The following RIMS2 variants were observed in gnomAD, a reference collection of about 807,000 sequenced individuals.
RIMS2 encodes regulating synaptic membrane exocytosis 2.
A neutral mutation model predicts 174.4 loss-of-function variants in RIMS2; 59 were observed. The ratio of observed to expected loss-of-function variants is 0.34; its 90% CI spans 0.27 to 0.42. RIMS2 has a LOEUF of 0.42. Ranked by LOEUF, RIMS2 falls within the 10% of genes least tolerant of loss-of-function variation. The probability of loss-of-function intolerance (pLI) is 1.00; values close to 1 mark genes in which losing one functional copy is unlikely to be tolerated. For synonymous variants in RIMS2, 606 were observed against 572.5 expected, an observed-to-expected ratio of 1.06 and a Z score of -0.84; for missense variants, 1,620 against 1,666.3, an observed-to-expected ratio of 0.97 and a Z score of 0.48.
chr8:103,869,504 G>A (rs2099100256), intron 3 of RIMS2, among the ~76,000 whole-genome samples: 1 of 151,698 alleles, frequency 6.6e-6, no homozygotes, highest in South Asian at 2.1e-4. Flanking sequence ...GCTAATTTTT[G>A]TAGAAACGGA....
chr8:103,663,935 T>G (rs2096635352), intron 1 of RIMS2, among the ~76,000 whole-genome samples: 1 of 152,202 alleles, frequency 6.6e-6, no homozygotes, highest in South Asian at 2.1e-4. Flanking sequence ...CCAAAACAGT[T>G]ATGTAGACCA....
At chr8:103,534,292 A>G (rs780313096) in intron 1 of RIMS2, among the ~76,000 whole-genome samples, 4 of 152,196 alleles carry the variant, frequency 2.6e-5, no homozygotes, top group Non-Finnish European at 5.9e-5. Context: ...TCATTCCCAC[A>G]CAGATTTTCA....
At chr8:103,809,543 G>T (rs28522982) in intron 3 of RIMS2, among the ~76,000 whole-genome samples, 17,136 of 151,642 alleles carry the variant, frequency 0.11, 1,286 homozygotes, top group African/African-American at 0.21. Context: ...ACTTAGAAAA[G>T]TACCTATGAT....
chr8:104,077,513 A>G (rs2097319832), intron 19 of RIMS2, among the ~76,000 whole-genome samples: 1 of 151,506 alleles, frequency 6.6e-6, no homozygotes, highest in South Asian at 2.1e-4. Context: ...CAAAATTCTT[A>G]TTGTATAGTT....
At chr8:104,091,897 A>T (rs1174314854) in intron 19 of RIMS2, among the ~76,000 whole-genome samples, 1 of 151,734 alleles carries the variant, frequency 6.6e-6, no homozygotes, top group East Asian at 1.9e-4. Flanking sequence ...GGGAAAAGGC[A>T]GCAATTTTTA....
intron 19 of RIMS2, among the ~76,000 whole-genome samples, chr8:104,235,038 T>A (rs2099251363): frequency 6.6e-6 from 1 of 152,178 alleles, no homozygotes; most frequent in African/African-American, 2.4e-5. Context: ...TTTGTTTCCA[T>A]TTTTATCATA....
chr8:104,186,436 T>G (rs1208190937), intron 19 of RIMS2, among the ~76,000 whole-genome samples: 1 of 151,818 alleles, frequency 6.6e-6, no homozygotes, highest in Non-Finnish European at 1.5e-5. Context: ...ATTTATTGTT[T>G]TATTCCTAAC....
intron 19 of RIMS2, among the ~76,000 whole-genome samples, chr8:104,235,599 A>G (rs892503039): frequency 1.3e-5 from 2 of 152,052 alleles, no homozygotes; most frequent in East Asian, 3.9e-4. Context: ...AACATCCACT[A>G]CATAGACTGA....
At chr8:103,641,152 A>T (rs2135525041) in intron 1 of RIMS2, among the ~76,000 whole-genome samples, 1 of 152,250 alleles carries the variant, frequency 6.6e-6, no homozygotes, top group African/African-American at 2.4e-5. Context: ...TTTGTTTGAA[A>T]TTAATGTGGA....
intron 1 of RIMS2, among the ~76,000 whole-genome samples, chr8:103,669,020 T>C (rs1290604404): frequency 6.6e-6 from 1 of 152,142 alleles, no homozygotes; most frequent in Non-Finnish European, 1.5e-5. Flanking sequence ...TGTTAGTCTG[T>C]TTTCACGCTG....
Position 103,649,589 on chromosome 8 carries a change from G to C in RIMS2, c.177-47497G>C, listed in dbSNP as rs1175876619. The stretch of plus-strand genomic sequence containing the variant: ...CTTTCAGGTACCCTAATGAGTCTTA[G>C]GTTCTGTCTTTTTAAATAATTTCAT... On this transcript the variant is annotated intron_variant, in intron 1 of 23. Coordinates refer to ENST00000504942, the Ensembl canonical transcript of RIMS2. Among the ~76,000 whole-genome samples the C allele has an allele frequency of 2.0e-5, 3 of 151,124 alleles. No homozygotes were observed. The South Asian group carries it at 6.2e-4, about 31-fold the overall frequency.
intron 1 of RIMS2, among the ~76,000 whole-genome samples, chr8:103,612,782 G>T (rs57079548): frequency 0.12 from 18,889 of 152,190 alleles, 1,272 homozygotes; most frequent in Middle Eastern, 0.22. Flanking sequence ...ATGTTGGCCA[G>T]GCTGGTCTCG....
At chr8:104,014,981 G>A (rs921757716) in intron 19 of RIMS2, among the ~76,000 whole-genome samples, 5 of 152,128 alleles carry the variant, frequency 3.3e-5, no homozygotes, top group African/African-American at 1.2e-4. Flanking sequence ...TTCACACACT[G>A]CAAAGGACTG....
At chr8:104,251,121 G>A in exon 23 of RIMS2, 1 of 1,613,302 alleles carries the variant, frequency 6.2e-7, no homozygotes, top group Non-Finnish European at 8.5e-7. Context: ...TTTACCAGCA[G>A]CTATTATCTT....
chr8:104,055,718 A>T (rs1188219313), intron 19 of RIMS2, among the ~76,000 whole-genome samples: 3 of 152,228 alleles, frequency 2.0e-5, no homozygotes, highest in African/African-American at 7.2e-5. Flanking sequence ...TTATGAAAAA[A>T]GAAATGTATA....
intron 19 of RIMS2, among the ~76,000 whole-genome samples, chr8:104,084,956 GTA>G (rs2097510717): frequency 6.6e-6 from 1 of 152,026 alleles, no homozygotes; most frequent in Non-Finnish European, 1.5e-5. Flanking sequence ...GGTCATTATG[GTA>G]TACTGCCTCT....
intron 16 of RIMS2, among the ~76,000 whole-genome samples, chr8:103,987,738 C>T (rs908912164): frequency 6.6e-6 from 1 of 152,170 alleles, no homozygotes; most frequent in South Asian, 2.1e-4. Flanking sequence ...CCAACATAAC[C>T]AAAATATTAA....
chr8:103,562,257 G>A (rs1445349660), intron 1 of RIMS2, among the ~76,000 whole-genome samples: 1 of 152,112 alleles, frequency 6.6e-6, no homozygotes, highest in Non-Finnish European at 1.5e-5. Context: ...CTGAGACAAG[G>A]CAGTCCCTTC....
chr8:104,062,853 TA>T (rs1456584097), intron 19 of RIMS2, among the ~76,000 whole-genome samples: 1 of 152,144 alleles, frequency 6.6e-6, no homozygotes, highest in African/African-American at 2.4e-5. Flanking sequence ...TAAAAGTTCA[TA>T]AAATGTAATA....
Sources: gnomAD v4.1 joint callset for allele counts (sites outside exome capture counted in the v4.1 genomes callset) on GRCh38, gnomAD v4.1.1 for gene constraint, MANE v1.5 for transcripts, NCBI Gene and HGNC (gene_info 2026-07-23, HGNC 2026-07-21) for gene names.